Variants in ANKRD13A observed in about 807,000 individuals in gnomAD.
The protein encoded by ANKRD13A is ankyrin repeat domain 13A, also known as ankyrin repeat domain-containing protein 13A.
In ANKRD13A, 48 loss-of-function variants were observed where a neutral mutation model predicts 81.3. That is an observed-to-expected ratio of 0.59 (90% CI 0.47 to 0.75). ANKRD13A has a LOEUF of 0.75. Among genes scored for constraint, ANKRD13A ranks in the 30% least tolerant of loss-of-function variants. ANKRD13A has a pLI of 0.00. For missense variants in ANKRD13A, 612 were observed against 734.0 expected (o/e 0.83, Z 1.92); for synonymous variants, 230 against 270.1 (o/e 0.85, Z 1.45).
intron 1 of ANKRD13A, among the ~76,000 whole-genome samples, chr12:110,005,045 T>C (rs940348225): frequency 1.2e-4 from 18 of 152,258 alleles, no homozygotes; most frequent in African/African-American, 4.1e-4. Context: ...AGTTCACTTA[T>C]ATAATCTACA....
Position 109,999,808 on chromosome 12 carries a change from T to C in ANKRD13A, c.96+24T>C. The C allele has an allele frequency of 6.6e-7, 1 of 1,516,958 alleles. No homozygotes were observed. Among genetic ancestry groups the C allele is most frequent in the Non-Finnish European group, 8.9e-7 (1 of 1,129,830 alleles). 94.0% of individuals were successfully genotyped at this position (1,516,958 alleles called of 1,614,324 possible). A position where few individuals can be genotyped will look rare whatever the true frequency, so the allele number is the denominator to read the frequency against. ...AGGTGAGGGGCGGGGCGGGGGTCCG[T>C]CTCCCGGTGGGGACTTCGGGGAATC... On this transcript the variant is annotated intron_variant, in intron 1 of 14. Coordinates refer to ENST00000261739, the MANE Select transcript of ANKRD13A (RefSeq NM_033121.2). The surrounding 1 kb of genome is among the most constrained non-coding windows in gnomAD (Gnocchi z 4.3).
At chr12:110,016,333 T>C in intron 3 of ANKRD13A, 55 bp from the exon 4 acceptor site, 1 of 1,355,216 alleles carries the variant, frequency 7.4e-7, no homozygotes, top group Non-Finnish European at 1.0e-6. Flanking sequence ...CCCCTGCTTA[T>C]GTTGTGTTGA....
intron 12 of ANKRD13A, among the ~76,000 whole-genome samples, chr12:110,033,409 C>A (rs1039943434): frequency 2.6e-5 from 4 of 152,014 alleles, no homozygotes; most frequent in African/African-American, 9.6e-5. Context: ...GGCACACAGG[C>A]ATTTGTTTAA....
chr12:110,025,929 G>T, intron 8 of ANKRD13A, 106 bp downstream of exon 8: 10 of 875,902 alleles, frequency 1.1e-5, no homozygotes, highest in South Asian at 3.5e-5. Context: ...ATTGGGTTGT[G>T]TTAAGCCTAA....
At chr12:110,028,146 G>A (rs1029003227) in intron 9 of ANKRD13A, 5 of 302,896 alleles carry the variant, frequency 1.7e-5, no homozygotes, top group Non-Finnish European at 2.5e-5. Flanking sequence ...ATGTCCCTGC[G>A]GGTCAGAAAA....
chr12:110,004,413 C>T (rs773224964), intron 1 of ANKRD13A, among the ~76,000 whole-genome samples: 3 of 151,888 alleles, frequency 2.0e-5, no homozygotes, highest in Non-Finnish European at 4.4e-5. Context: ...GTCGGGAGTT[C>T]GAGACCAACC....
chr12:110,020,584 T>C (rs946571560), intron 6 of ANKRD13A, among the ~76,000 whole-genome samples: 5 of 152,346 alleles, frequency 3.3e-5, no homozygotes, highest in Non-Finnish European at 4.4e-5. Context: ...TTCATGGTCT[T>C]TCAGGGACAG....
chr12:110,023,025 A>G (rs575189822), intron 6 of ANKRD13A, among the ~76,000 whole-genome samples: 1 of 152,324 alleles, frequency 6.6e-6, no homozygotes, highest in African/African-American at 2.4e-5. Context: ...AAAGCAAACT[A>G]TTTGGAAACA....
chr12:110,024,950 A>C (rs973764444), intron 7 of ANKRD13A, among the ~76,000 whole-genome samples: 1 of 152,248 alleles, frequency 6.6e-6, no homozygotes, highest in African/African-American at 2.4e-5. Context: ...ATGCCTTTTA[A>C]ATAGTGACTT....
At chr12:110,019,728 CTGATATTGG>C (rs1490283713) in intron 6 of ANKRD13A, among the ~76,000 whole-genome samples, 9 of 152,160 alleles carry the variant, frequency 5.9e-5, no homozygotes, top group Admixed American at 5.9e-4. Context: ...TTCAGTTGTA[CTGATATTGG>C]TCAGTCAGAT....
Position 110,030,745 on chromosome 12 carries a change from C to G in ANKRD13A, c.1335C>G (p.Thr445=), listed in dbSNP as rs749855973. The change falls in exon 12 of 15, where the codon ACC becomes ACG. Residue 445 remains threonine (T), a synonymous_variant. Coordinates refer to ENST00000261739, the MANE Select transcript of ANKRD13A (RefSeq NM_033121.2). ...CTGTATCTCAAAATGTGGAAGGGAC[C>G]CAGGCTGATTCAGGTAAAAAAATAA... The part of the protein sequence containing the change: ...EESVSQNVEG[T]QADSASHITN... 97 of 1,589,784 alleles carry G rather than the reference C, an allele frequency of 6.1e-5. No homozygotes were observed. In the Middle Eastern group the frequency reaches 6.7e-4, roughly 11 times the overall value.
At chr12:110,020,242 C>G (rs1891013123) in intron 6 of ANKRD13A, among the ~76,000 whole-genome samples, 1 of 152,196 alleles carries the variant, frequency 6.6e-6, no homozygotes, top group African/African-American at 2.4e-5. Flanking sequence ...CAGCTCTCTG[C>G]AAGCCTAAGT....
At chr12:110,030,498 C>T (rs574430827) in intron 11 of ANKRD13A, 147 bp from the exon 12 acceptor site, 6 of 375,154 alleles carry the variant, frequency 1.6e-5, no homozygotes, top group Admixed American at 4.6e-5. Flanking sequence ...TCAGTTTTCC[C>T]GTCTGTGTAT....
At chr12:110,033,773 C>T (rs764449891) in intron 12 of ANKRD13A, 24 bp from the exon 13 acceptor site, 8 of 1,576,752 alleles carry the variant, frequency 5.1e-6, no homozygotes, top group South Asian at 2.3e-5. Context: ...AACTCAGACA[C>T]TGGACGGTTG....
chr12:110,030,015 C>T (rs530569576), intron 11 of ANKRD13A, among the ~76,000 whole-genome samples: 2 of 152,196 alleles, frequency 1.3e-5, no homozygotes, highest in South Asian at 2.1e-4. Flanking sequence ...ATATGATCTA[C>T]GTCCCAAGCT....
chr12:110,026,089 GTAGCTGGGAT>G (rs1891307458), intron 8 of ANKRD13A, among the ~76,000 whole-genome samples: 1 of 151,714 alleles, frequency 6.6e-6, no homozygotes, highest in East Asian at 2.0e-4. Context: ...AGCCTCCTGA[GTAGCTGGGAT>G]TACAAGCACC....
Position 110,030,703 on chromosome 12 carries a change from T to TA in ANKRD13A, c.1294dup (p.Ser432LysfsTer17). On this transcript the variant is annotated frameshift_variant, in exon 12 of 15. Transcript: ENST00000261739. LOFTEE classifies it high-confidence loss of function. ...TTACATTTGGAAATGTTAATGGCTGTAGCACTGCCGAAGAATCTGTATCTC... is the reference window on the plus strand; with the variant it reads ...TTACATTTGGAAATGTTAATGGCTGTAAGCACTGCCGAAGAATCTGTATCTC... The TA allele has an allele frequency of 1.9e-6, 3 of 1,611,416 alleles. No individual in the cohort carries two copies. Among genetic ancestry groups the TA allele is most frequent in the Non-Finnish European group, 2.5e-6 (3 of 1,178,578 alleles).
chr12:110,013,143 G>A lies in ANKRD13A; in HGVS notation c.248G>A (p.Ser83Asn). 6.2e-7 allele frequency: 1 copy of A among 1,614,142 alleles called. No homozygotes were observed. ...TTTCTAGTTTTACATGAGGCTGTGA[G>A]CACTGGCGATCCTGAGATGGTGTAC... ...QGWTVLHEAV[S>N]TGDPEMVYTV... Residue 83 changes from serine (S) to asparagine (N), a missense_variant, in exon 3 of 15, where the codon AGC becomes AAC. Coordinates refer to ENST00000261739, the MANE Select transcript of ANKRD13A (RefSeq NM_033121.2).
intron 13 of ANKRD13A, 48 bp downstream of exon 13, chr12:110,034,005 C>T: frequency 1.3e-6 from 2 of 1,524,534 alleles, no homozygotes; most frequent in Non-Finnish European, 8.8e-7. Flanking sequence ...AGGTCTTACC[C>T]TCTGGGTTAG....
Sources: allele counts gnomAD v4.1 joint callset (sites outside exome capture counted in the v4.1 genomes callset), GRCh38; gene constraint gnomAD v4.1.1; non-coding constraint Gnocchi (gnomAD v3.1); transcripts MANE v1.5; gene names NCBI Gene and HGNC (gene_info 2026-07-23, HGNC 2026-07-21).